The following ERBB4 variants were observed in gnomAD, a reference collection of about 807,000 sequenced individuals.
ERBB4 encodes the protein receptor tyrosine-protein kinase erbB-4.
Under a neutral mutation model 158.0 loss-of-function variants are expected in ERBB4, and 42 were observed. The ratio of observed to expected loss-of-function variants is 0.27; its 90% CI spans 0.21 to 0.34. The LOEUF (loss-of-function observed/expected upper bound fraction) is 0.34, where lower values mean the gene tolerates loss of function less well. Among genes scored for constraint, ERBB4 ranks in the 10% least tolerant of loss-of-function variants. The probability of loss-of-function intolerance (pLI) is 1.00; values close to 1 mark genes in which losing one functional copy is unlikely to be tolerated. For synonymous variants in ERBB4, 583 were observed against 558.7 expected (o/e 1.04, Z -0.61); for missense variants, 1,333 against 1,624.1 (o/e 0.82, Z 3.08).
intron 2 of ERBB4, among the ~76,000 whole-genome samples, chr2:211,987,333 A>AC (rs2081964055): frequency 7.5e-6 from 1 of 132,888 alleles, no homozygotes; most frequent in Non-Finnish European, 1.6e-5. Flanking sequence ...GAAAAGACAA[A>AC]AAAAAAAAAA....
intron 2 of ERBB4, among the ~76,000 whole-genome samples, chr2:212,112,460 T>G (rs944180948): frequency 6.6e-6 from 1 of 152,060 alleles, no homozygotes. Flanking sequence ...TTTTTTTTAA[T>G]GAAAACCTCC....
At chr2:211,399,341 GAT>G (rs2062986011) in intron 25 of ERBB4, among the ~76,000 whole-genome samples, 1 of 152,158 alleles carries the variant, frequency 6.6e-6, no homozygotes, top group Non-Finnish European at 1.5e-5. Context: ...GTTCAGCAAA[GAT>G]ATATTGAATC....
At chr2:212,251,411 T>C (rs138897101) in intron 1 of ERBB4, among the ~76,000 whole-genome samples, 2 of 152,022 alleles carry the variant, frequency 1.3e-5, no homozygotes, top group African/African-American at 4.8e-5. Flanking sequence ...ATAATCCCTG[T>C]CCTCAAGTAC....
At chr2:211,641,187 C>G (rs1221497640) in intron 16 of ERBB4, among the ~76,000 whole-genome samples, 1 of 151,978 alleles carries the variant, frequency 6.6e-6, no homozygotes, top group Non-Finnish European at 1.5e-5. Flanking sequence ...TTTTCTAGTA[C>G]TTTATTTATT....
chr2:212,029,695 C>T (rs1385719587), intron 2 of ERBB4, among the ~76,000 whole-genome samples: 1 of 152,088 alleles, frequency 6.6e-6, no homozygotes, highest in Non-Finnish European at 1.5e-5. Context: ...TCATCTCATA[C>T]AGTCTTCCAA....
At chr2:212,233,709 T>C in intron 1 of ERBB4, among the ~76,000 whole-genome samples, 1 of 152,108 alleles carries the variant, frequency 6.6e-6, no homozygotes, top group Non-Finnish European at 1.5e-5. Flanking sequence ...TTGTGTTCTA[T>C]AATATGTTGG....
chr2:211,712,216 T>A (rs1172286108), intron 8 of ERBB4, 40 bp from the exon 9 acceptor site: 2 of 1,608,954 alleles, frequency 1.2e-6, no homozygotes, highest in Admixed American at 3.3e-5. Context: ...TTGAGAAACT[T>A]ATTTTTGGCC....
chr2:211,874,037 C>T (rs893427516), intron 3 of ERBB4, among the ~76,000 whole-genome samples: 1 of 147,432 alleles, frequency 6.8e-6, no homozygotes, highest in Non-Finnish European at 1.5e-5. Flanking sequence ...TGGTGGTGTG[C>T]ACCTGTAGTC....
At chr2:212,043,048 T>C (rs1278636213) in intron 2 of ERBB4, among the ~76,000 whole-genome samples, 1 of 152,188 alleles carries the variant, frequency 6.6e-6, no homozygotes, top group Non-Finnish European at 1.5e-5. Flanking sequence ...AGAAACTTGC[T>C]TCTTCACTGA....
At chr2:211,415,825 TTTTATTTTTCAG>T (rs1199500013) in intron 25 of ERBB4, among the ~76,000 whole-genome samples, 3 of 152,358 alleles carry the variant, frequency 2.0e-5, no homozygotes, top group Admixed American at 6.5e-5. Context: ...TCTGCTTACA[TTTTATTTTTCAG>T]TTTATTTATA....
intron 3 of ERBB4, among the ~76,000 whole-genome samples, chr2:211,893,615 G>A (rs1186674833): frequency 7.2e-6 from 1 of 139,102 alleles, no homozygotes; most frequent in Non-Finnish European, 1.5e-5. Context: ...CCATCAGAGT[G>A]AACAGGCAAC....
chr2:211,440,198 C>T (rs1364840497), intron 20 of ERBB4, among the ~76,000 whole-genome samples: 1 of 152,116 alleles, frequency 6.6e-6, no homozygotes, highest in Non-Finnish European at 1.5e-5. Context: ...TGATCTCTTG[C>T]CAATATGGTT....
intron 3 of ERBB4, among the ~76,000 whole-genome samples, chr2:211,835,943 C>T (rs557943231): frequency 4.7e-4 from 72 of 151,822 alleles, no homozygotes; most frequent in Non-Finnish European, 8.8e-4. Flanking sequence ...AAGGAGCTTC[C>T]TAGAATTAGA....
intron 20 of ERBB4, among the ~76,000 whole-genome samples, chr2:211,549,337 T>C (rs2067021426): frequency 6.6e-6 from 1 of 152,000 alleles, no homozygotes; most frequent in South Asian, 2.1e-4. Flanking sequence ...GGCTAGTTTC[T>C]TTAAGACTGA....
At chr2:212,245,091 T>A (rs1187605464) in intron 1 of ERBB4, among the ~76,000 whole-genome samples, 1 of 152,154 alleles carries the variant, frequency 6.6e-6, no homozygotes, top group Non-Finnish European at 1.5e-5. Flanking sequence ...TCAGTAAAAC[T>A]GTGCTTTAAA....
At position 212,380,614 on chromosome 2, in the gene ERBB4, A is replaced by T. The variant is rs143207802; in HGVS notation, c.82+157835T>A. Among the ~76,000 whole-genome samples, 1,160 of 151,022 alleles carry T rather than the reference A, an allele frequency of 7.7e-3. 12 individuals carry two copies. Among genetic ancestry groups the T allele is most frequent in the African/African-American group, 0.027 (1,099 of 41,398 alleles). On this transcript the variant is annotated intron_variant, in intron 1 of 27. Transcript: ENST00000342788. Reference sequence around the variant, plus strand: ...TTGATAAAAAATACACTTAAGTTATACTTAAATATATTTCATTTATATTAA... The same window carrying T: ...TTGATAAAAAATACACTTAAGTTATTCTTAAATATATTTCATTTATATTAA...
intron 19 of ERBB4, among the ~76,000 whole-genome samples, chr2:211,615,618 T>A (rs769124127): frequency 5.9e-5 from 9 of 152,188 alleles, no homozygotes; most frequent in Non-Finnish European, 1.0e-4. Context: ...TCTCTTGCTT[T>A]TAGTGTAGCA....
intron 2 of ERBB4, among the ~76,000 whole-genome samples, chr2:212,028,880 G>C (rs1323821028): frequency 6.6e-6 from 1 of 152,048 alleles, no homozygotes; most frequent in Non-Finnish European, 1.5e-5. Context: ...GCAGGAGAGG[G>C]ACATTCTAGA....
At chr2:212,064,170 A>C (rs1001770260) in intron 2 of ERBB4, among the ~76,000 whole-genome samples, 2 of 152,168 alleles carry the variant, frequency 1.3e-5, no homozygotes, top group East Asian at 3.9e-4. Flanking sequence ...GAAAAGAAAA[A>C]TAACAAAAAC....
Sources: allele counts gnomAD v4.1 joint callset (sites outside exome capture counted in the v4.1 genomes callset), GRCh38; gene constraint gnomAD v4.1.1; transcripts MANE v1.5; gene names NCBI Gene and HGNC (gene_info 2026-07-23, HGNC 2026-07-21).